Variants in VCAN observed in about 807,000 individuals in gnomAD.
VCAN encodes versican.
A neutral mutation model predicts 245.5 loss-of-function variants in VCAN; 44 were observed. That is an observed-to-expected ratio of 0.18 (90% confidence interval 0.14 to 0.23). VCAN has a LOEUF of 0.23. Among genes scored for constraint, VCAN ranks in the 10% least tolerant of loss-of-function variants. The pLI, the probability that VCAN is intolerant of heterozygous loss-of-function variation, is 1.00. For synonymous variants in VCAN, 1,413 were observed against 1,437.0 expected (o/e 0.98, Z 0.38); for missense variants, 3,793 against 4,057.9 (o/e 0.93, Z 1.77).
At chr5:83,480,075 G>T (rs73146674) in intron 1 of VCAN, among the ~76,000 whole-genome samples, 2,483 of 152,244 alleles carry the variant, frequency 0.016, 73 homozygotes, top group African/African-American at 0.057. Context: ...TTTTTTGAAA[G>T]AAGTTAGAGA....
chr5:83,562,571 A>G (rs1418824350), intron 12 of VCAN, among the ~76,000 whole-genome samples: 1 of 152,178 alleles, frequency 6.6e-6, no homozygotes, highest in Non-Finnish European at 1.5e-5. Flanking sequence ...ATGCTTTTCC[A>G]ACAGTCTTCT....
intron 5 of VCAN, among the ~76,000 whole-genome samples, chr5:83,496,830 A>G (rs1745174320): frequency 1.3e-5 from 2 of 152,210 alleles, no homozygotes; most frequent in Non-Finnish European, 2.9e-5. Flanking sequence ...CTTTTGAAGT[A>G]CAGACCATGG....
chr5:83,507,357 T>C (rs772347676), intron 5 of VCAN, among the ~76,000 whole-genome samples: 24 of 152,242 alleles, frequency 1.6e-4, no homozygotes, highest in Non-Finnish European at 3.2e-4. Context: ...CTTTGTTCTA[T>C]GCTACTAAAA....
In VCAN at chr5:83,520,814, G is replaced by T. The variant is rs1308903177; in HGVS notation, c.2508G>T (p.Met836Ile). The T allele has an allele frequency of 6.2e-7, 1 of 1,614,122 alleles. No individual in the cohort carries two copies. The highest frequency in any genetic ancestry group is 1.3e-5 in the African/African-American group (1 of 75,046). ...CTGCCTTACTCACAACTGTGGGGAT[G>T]AATGGAAAGGATAAAGACATCCCAA... is the stretch of plus-strand genomic sequence containing the variant. Reference protein sequence around the residue: ...LPPALLTTVGMNGKDKDIPSF... With the variant: ...LPPALLTTVGINGKDKDIPSF... The change falls in exon 7 of 15, where the codon ATG becomes ATT. Residue 836 changes from methionine (M) to isoleucine (I), a missense_variant. This residue lies in a region of VCAN where 3,182 missense variants were observed against 3,250.3 expected (regional missense o/e 0.98). Coordinates refer to ENST00000265077, the MANE Select transcript of VCAN (RefSeq NM_004385.5).
intron 13 of VCAN, among the ~76,000 whole-genome samples, chr5:83,578,496 G>A (rs1272843653): frequency 6.6e-6 from 1 of 151,804 alleles, no homozygotes; most frequent in African/African-American, 2.4e-5. Flanking sequence ...AAAAAAAAAA[G>A]TGTGCAGGTA....
intron 6 of VCAN, among the ~76,000 whole-genome samples, chr5:83,517,040 AC>A (rs371017681): frequency 3.8e-4 from 58 of 152,212 alleles, no homozygotes; most frequent in African/African-American, 1.3e-3. Context: ...ATTATTGAAA[AC>A]CCTTGTTTTT....
At chr5:83,530,007 G>A (rs1746458015) in intron 7 of VCAN, among the ~76,000 whole-genome samples, 1 of 152,048 alleles carries the variant, frequency 6.6e-6, no homozygotes, top group African/African-American at 2.4e-5. Flanking sequence ...GTACTTTAGT[G>A]TCTGCTTAAC....
intron 7 of VCAN, chr5:83,534,098 C>T (rs868018461): frequency 3.9e-5 from 6 of 152,150 alleles, no homozygotes; most frequent in Middle Eastern, 3.4e-3. Flanking sequence ...TGTTGGCATA[C>T]CTTTGTGTCT....
At chr5:83,477,156 T>A (rs1744419417) in intron 1 of VCAN, among the ~76,000 whole-genome samples, 1 of 152,036 alleles carries the variant, frequency 6.6e-6, no homozygotes, top group Non-Finnish European at 1.5e-5. Context: ...GTTATAAAGA[T>A]CAAAAGAGTA....
chr5:83,498,317 T>C (rs1745223274), intron 5 of VCAN, among the ~76,000 whole-genome samples: 1 of 152,198 alleles, frequency 6.6e-6, no homozygotes, highest in Non-Finnish European at 1.5e-5. Context: ...TACTAAACTA[T>C]GGATTGGGGG....
rs541584896 is a variant in VCAN, at chr5:83,576,815, G to A, written c.9881-3165G>A. ...TGACTTAATTCACATTTTTTGATACGTCTCTCTGAATATCTTTTCATATAT... is the reference window on the plus strand; with the variant it reads ...TGACTTAATTCACATTTTTTGATACATCTCTCTGAATATCTTTTCATATAT... On this transcript the variant is annotated intron_variant, in intron 13 of 14. Transcript: ENST00000265077. Among the ~76,000 whole-genome samples, 10 of 152,176 alleles carry A rather than the reference G, an allele frequency of 6.6e-5. No individual in the cohort carries two copies. The South Asian group carries it at 1.0e-3, about 16-fold the overall frequency.
chr5:83,532,926 A>G (rs1746575702), intron 7 of VCAN, among the ~76,000 whole-genome samples: 1 of 152,146 alleles, frequency 6.6e-6, no homozygotes, highest in Non-Finnish European at 1.5e-5. Context: ...GTAGTTAATA[A>G]AATTGCATTG....
chr5:83,558,324 A>G (rs2112477648), intron 12 of VCAN, among the ~76,000 whole-genome samples: 1 of 152,286 alleles, frequency 6.6e-6, no homozygotes, highest in South Asian at 2.1e-4. Flanking sequence ...GGGGATCAGT[A>G]TCTGCTTATA....
intron 1 of VCAN, among the ~76,000 whole-genome samples, chr5:83,478,490 G>C (rs1744477137): frequency 6.6e-6 from 1 of 152,102 alleles, no homozygotes; most frequent in Non-Finnish European, 1.5e-5. Flanking sequence ...CAAGACAAAT[G>C]GACAAGGATG....
chr5:83,519,900 G>T lies in VCAN; in HGVS notation c.1594G>T (p.Glu532Ter). The T allele has an allele frequency of 6.2e-7, 1 of 1,614,088 alleles. No homozygotes were observed. Among genetic ancestry groups the T allele is most frequent in the Admixed American group, 1.7e-5 (1 of 60,016 alleles). Reference sequence around the variant, plus strand: ...AAGAATGATCCTGGAATCCAAAACTGAAAAGAAAATGGTAAGCACTGTTTC... The same window carrying T: ...AAGAATGATCCTGGAATCCAAAACTTAAAAGAAAATGGTAAGCACTGTTTC... Reference protein sequence around the residue: ...TARMILESKTEKKMVSTVSEL... With the variant: ...TARMILESKT Residue 532 changes from glutamate to a stop codon, truncating the protein, a stop_gained, in exon 7 of 15, where the codon GAA (glutamate) becomes TAA (stop). Transcript: ENST00000265077. LOFTEE classifies it high-confidence loss of function.
intron 5 of VCAN, among the ~76,000 whole-genome samples, chr5:83,498,190 A>G (rs1745219186): frequency 6.6e-6 from 1 of 151,854 alleles, no homozygotes; most frequent in African/African-American, 2.4e-5. Context: ...ACTCTCTTTC[A>G]TCTCATATTC....
chr5:83,488,319 TATAGAA>T (rs1268448730), intron 2 of VCAN, among the ~76,000 whole-genome samples: 2 of 152,216 alleles, frequency 1.3e-5, no homozygotes, highest in Non-Finnish European at 2.9e-5. Context: ...ATTAAATACT[TATAGAA>T]ATAGGATGCA....
intron 5 of VCAN, among the ~76,000 whole-genome samples, chr5:83,510,424 C>T (rs1256829460): frequency 2.0e-5 from 3 of 152,200 alleles, no homozygotes; most frequent in East Asian, 1.9e-4. Flanking sequence ...GGTGAAGATC[C>T]AAATCATGAC....
At chr5:83,573,946 T>C (rs1278971518) in intron 13 of VCAN, among the ~76,000 whole-genome samples, 1 of 152,202 alleles carries the variant, frequency 6.6e-6, no homozygotes, top group African/African-American at 2.4e-5. Context: ...TCTTCATTTA[T>C]TGAGGAAGTT....
Sources: gnomAD v4.1 joint callset for allele counts (sites outside exome capture counted in the v4.1 genomes callset) on GRCh38, gnomAD v4.1.1 for gene constraint, gnomAD v4.1.1 regional missense constraint, MANE v1.5 for transcripts, NCBI Gene and HGNC (gene_info 2026-07-23, HGNC 2026-07-21) for gene names.